The following PRRC2C variants were observed in gnomAD, a reference collection of about 807,000 sequenced individuals.
The protein encoded by PRRC2C is proline rich coiled-coil 2C.
Under a neutral mutation model 317.2 loss-of-function variants are expected in PRRC2C, and 72 were observed. The ratio of observed to expected loss-of-function variants is 0.23; its 90% CI spans 0.19 to 0.28. The LOEUF is 0.28. Among genes scored for constraint, PRRC2C ranks in the 10% least tolerant of loss-of-function variants. PRRC2C has a pLI of 1.00. For synonymous variants in PRRC2C, 1,296 were observed against 1,205.9 expected (o/e 1.07, Z -1.55); for missense variants, 3,074 against 3,459.7 (o/e 0.89, Z 2.80).
chr1:171,549,122 T>G (rs887418796), intron 17 of PRRC2C, among the ~76,000 whole-genome samples: 8 of 152,138 alleles, frequency 5.3e-5, no homozygotes, highest in Admixed American at 5.2e-4. Flanking sequence ...ACATTAAGAG[T>G]CATAAGACCA....
chr1:171,561,922 G>A (rs187448553), intron 20 of PRRC2C, among the ~76,000 whole-genome samples: 213 of 152,100 alleles, frequency 1.4e-3, no homozygotes, highest in Admixed American at 0.013. Context: ...TCTAACCTGC[G>A]GGCTTACAAA....
chr1:171,589,748 T>C (rs1350125139), intron 34 of PRRC2C, 143 bp downstream of exon 34: 5 of 362,804 alleles, frequency 1.4e-5, no homozygotes, highest in South Asian at 2.9e-5. Flanking sequence ...TCATTCCCCC[T>C]TTTTTTTCTT....
chr1:171,542,301 T>G, intron 16 of PRRC2C, 72 bp downstream of exon 16: 4 of 1,322,058 alleles, frequency 3.0e-6, no homozygotes, highest in Non-Finnish European at 4.1e-6. Flanking sequence ...CTTGGTTGAA[T>G]TATGCAAAGA....
intron 25 of PRRC2C, among the ~76,000 whole-genome samples, chr1:171,576,235 A>G (rs1402661931): frequency 1.3e-5 from 2 of 152,216 alleles, no homozygotes; most frequent in Non-Finnish European, 2.9e-5. Flanking sequence ...TAAAGGAAAC[A>G]GGAGAGTATG....
chr1:171,566,911 G>T (rs1683764431), intron 22 of PRRC2C, 68 bp downstream of exon 22: 1 of 1,483,682 alleles, frequency 6.7e-7, no homozygotes, highest in Non-Finnish European at 9.0e-7. Context: ...GAGAAGAACA[G>T]CAACAGTCTG....
chr1:171,523,481 T>C lies in PRRC2C; in HGVS notation c.1014T>C (p.Asp338=), dbSNP rs1218530269. The C allele has an allele frequency of 6.2e-7, 1 of 1,612,500 alleles. No individual in the cohort carries two copies. Among genetic ancestry groups the C allele is most frequent in the Admixed American group, 1.7e-5 (1 of 60,010 alleles). Residue 338 remains aspartate, a synonymous_variant, in exon 9 of 35, where the codon GAT becomes GAC. Transcript: ENST00000647382. ...VDYTEQLNFS[D]DDEQGSNSPK... ...ATACAGAGCAACTGAATTTCAGTGA[T>C]GATGATGAACAAGGAAGTAACAGTC... is the stretch of plus-strand genomic sequence containing the variant.
At chr1:171,489,474 G>T (rs1312635680) in intron 1 of PRRC2C, among the ~76,000 whole-genome samples, 2 of 152,194 alleles carry the variant, frequency 1.3e-5, no homozygotes, top group Non-Finnish European at 2.9e-5. Context: ...AGATAAAAAG[G>T]TGTATAAGAA....
intron 23 of PRRC2C, 60 bp downstream of exon 23, chr1:171,568,399 C>T (rs1684078818): frequency 1.3e-6 from 2 of 1,538,900 alleles, no homozygotes; most frequent in Non-Finnish European, 1.8e-6. Flanking sequence ...TATTATCAAG[C>T]ACATTATTTC....
In PRRC2C at chr1:171,589,131, G is replaced by A. The variant is rs571127212; in HGVS notation, c.8200-238G>A. Among the ~76,000 whole-genome samples the A allele has an allele frequency of 2.6e-5, 4 of 152,244 alleles. No homozygotes were observed. The South Asian group carries it at 8.3e-4, about 32-fold the overall frequency. On this transcript the variant is annotated intron_variant, in intron 33 of 34. Coordinates refer to ENST00000647382, the MANE Select transcript of PRRC2C (RefSeq NM_001387844.1). ...CCCCTTCAGAATTTACAACTGAGATGCTAGGACCAACTGAAGTGCCATAGC... is the reference window on the plus strand; with the variant it reads ...CCCCTTCAGAATTTACAACTGAGATACTAGGACCAACTGAAGTGCCATAGC...
At chr1:171,512,382 T>A (rs1671539202) in intron 2 of PRRC2C, 182 bp downstream of exon 2, 6 of 517,190 alleles carry the variant, frequency 1.2e-5, no homozygotes, top group South Asian at 1.0e-4. Context: ...ATTGAAAATT[T>A]ATACTTTCAT....
intron 25 of PRRC2C, among the ~76,000 whole-genome samples, chr1:171,576,494 A>T (rs1685714706): frequency 6.6e-6 from 1 of 152,250 alleles, no homozygotes; most frequent in Admixed American, 6.5e-5. Context: ...ATCAAATACC[A>T]GTATTGACAT....
chr1:171,527,798 G>A lies in PRRC2C; in HGVS notation c.1208G>A (p.Gly403Glu). The change falls in exon 11 of 35, where the codon GGA becomes GAA. Residue 403 changes from glycine (G) to glutamate (E), a missense_variant. Physicochemically the swap from Gly to Glu is moderately conservative, Grantham distance 98. This residue lies in a region of PRRC2C where 1,320 missense variants were observed against 1,395.7 expected (regional missense o/e 0.95). Transcript: ENST00000647382. ...GKGPSFNQER[G>E]TSSHLPPPPK... ...CTTTCTTCTTTATAATAGGAACGTGGAACATCTTCACATCTGCCACCACCT... is the reference window on the plus strand; with the variant it reads ...CTTTCTTCTTTATAATAGGAACGTGAAACATCTTCACATCTGCCACCACCT... The A allele has an allele frequency of 1.3e-6, 2 of 1,577,128 alleles. No homozygotes were observed. The highest frequency in any genetic ancestry group is 1.4e-5 in the African/African-American group (1 of 73,842).
chr1:171,518,615 C>T (rs1331978025), intron 6 of PRRC2C, among the ~76,000 whole-genome samples: 3 of 142,272 alleles, frequency 2.1e-5, no homozygotes, highest in Admixed American at 7.1e-5. Context: ...CTTGTGCCTC[C>T]GCCTCCCGAG....
intron 26 of PRRC2C, among the ~76,000 whole-genome samples, chr1:171,578,946 A>C (rs764943283): frequency 1.3e-5 from 2 of 152,178 alleles, no homozygotes; most frequent in East Asian, 1.9e-4. Flanking sequence ...ATTTATACCA[A>C]ACTTTTAAAA....
Position 171,577,329 on chromosome 1 carries a change from G to A in PRRC2C, c.6956-105G>A, listed in dbSNP as rs934000180. 10 of 976,834 alleles carry A rather than the reference G, an allele frequency of 1.0e-5. No individual in the cohort carries two copies. In the African/African-American group the frequency reaches 1.5e-4, roughly 14 times the overall value. The allele number at this position is 976,834 out of a possible 1,614,324, so 60.5% of individuals were successfully genotyped here. ...GGCCTGAAGCAGTATATAAGTACGT[G>A]ATGGGTAGAAACATTAATTTTGCAG... On this transcript the variant is annotated intron_variant, in intron 25 of 34. Transcript: ENST00000647382.
chr1:171,545,234 A>G (rs1571911665), intron 16 of PRRC2C, among the ~76,000 whole-genome samples: 2 of 152,232 alleles, frequency 1.3e-5, no homozygotes, highest in East Asian at 3.8e-4. Flanking sequence ...AACTTCTGGT[A>G]TAACTAGAAT....
Position 171,512,127 on chromosome 1 carries a change from T to C in PRRC2C, c.39T>C (p.Asp13=), listed in dbSNP as rs1188315224. Residue 13 remains aspartate, a synonymous_variant, in exon 2 of 35, where the codon GAT becomes GAC. Coordinates refer to ENST00000647382, the MANE Select transcript of PRRC2C (RefSeq NM_001387844.1). ...CAGGCCAGAGCACAAAAGCAAAGGA[T>C]GGGAAAAAGTATGCAACACTCAGTT... ...EKSGQSTKAK[D]GKKYATLSLF... is the part of the protein sequence containing the mutation. 1 of 1,579,686 alleles carries C rather than the reference T, an allele frequency of 6.3e-7. No individual in the cohort carries two copies. The highest frequency in any genetic ancestry group is 1.8e-5 in the Admixed American group (1 of 54,440).
At chr1:171,579,764 G>A in intron 27 of PRRC2C, 64 bp from the exon 28 acceptor site, 1 of 1,456,720 alleles carries the variant, frequency 6.9e-7, no homozygotes, top group South Asian at 1.5e-5. Context: ...TTATATTCCA[G>A]TGTTAATGAT....
At chr1:171,584,791 T>G (rs1018200894) in intron 30 of PRRC2C, among the ~76,000 whole-genome samples, 4 of 151,994 alleles carry the variant, frequency 2.6e-5, no homozygotes, top group African/African-American at 9.7e-5. Flanking sequence ...TTTAGGGGGT[T>G]TTGTTTTGTT....
Sources: gnomAD v4.1 joint callset for allele counts (sites outside exome capture counted in the v4.1 genomes callset) on GRCh38, gnomAD v4.1.1 for gene constraint, gnomAD v4.1.1 regional missense constraint, MANE v1.5 for transcripts, NCBI Gene and HGNC (gene_info 2026-07-23, HGNC 2026-07-21) for gene names.